Variants in MTHFD2L observed in about 807,000 individuals in gnomAD.
MTHFD2L encodes bifunctional methylenetetrahydrofolate dehydrogenase/cyclohydrolase 2, mitochondrial.
A neutral mutation model predicts 34.9 loss-of-function variants in MTHFD2L; 29 were observed. The ratio of observed to expected loss-of-function variants is 0.83; its 90% CI spans 0.62 to 1.13. The LOEUF (loss-of-function observed/expected upper bound fraction) is 1.13. Ranked by LOEUF, MTHFD2L falls within the 50% of genes most tolerant of loss-of-function variation. The pLI is 0.00. For synonymous variants in MTHFD2L, 167 were observed against 155.7 expected, an observed-to-expected ratio of 1.07 and a Z score of -0.54; for missense variants, 481 against 446.5, an observed-to-expected ratio of 1.08 and a Z score of -0.70.
intron 6 of MTHFD2L, among the ~76,000 whole-genome samples, chr4:74,277,373 G>A (rs995469209): frequency 6.6e-6 from 1 of 151,908 alleles, no homozygotes; most frequent in African/African-American, 2.4e-5. Context: ...GAGGGAGGAG[G>A]ACATAGCCTA....
At chr4:74,185,467 A>G (rs1271948634) in intron 3 of MTHFD2L, among the ~76,000 whole-genome samples, 15 of 152,120 alleles carry the variant, frequency 9.9e-5, no homozygotes, top group Admixed American at 9.8e-4. Context: ...AAAAAAAGAA[A>G]TAATAAAGAA....
At chr4:74,176,399 A>G (rs779751247) in intron 3 of MTHFD2L, among the ~76,000 whole-genome samples, 1 of 152,036 alleles carries the variant, frequency 6.6e-6, no homozygotes, top group African/African-American at 2.4e-5. Context: ...CAGATCTTCT[A>G]CTTACATCCA....
intron 5 of MTHFD2L, among the ~76,000 whole-genome samples, chr4:74,202,973 C>T (rs1205451578): frequency 1.3e-5 from 2 of 152,094 alleles, no homozygotes; most frequent in African/African-American, 4.8e-5. Context: ...TTCAATAATA[C>T]TTGTTTTAGG....
At chr4:74,134,407 T>G (rs968047135) in intron 1 of MTHFD2L, among the ~76,000 whole-genome samples, 1 of 152,090 alleles carries the variant, frequency 6.6e-6, no homozygotes, top group Non-Finnish European at 1.5e-5. Flanking sequence ...CATGGCCATT[T>G]GCAAAAGTCA....
chr4:74,117,005 G>C (rs937433399), intron 2 of MTHFD2L, among the ~76,000 whole-genome samples: 1 of 152,204 alleles, frequency 6.6e-6, no homozygotes, highest in African/African-American at 2.4e-5. Flanking sequence ...GTTCATGTGG[G>C]AAATGTTTGG....
intron 6 of MTHFD2L, among the ~76,000 whole-genome samples, chr4:74,269,794 C>T (rs138333058): frequency 8.3e-4 from 126 of 152,038 alleles, no homozygotes; most frequent in African/African-American, 2.6e-3. Context: ...TAGGTCCAGG[C>T]GGAAGACTTG....
At chr4:74,236,706 C>T (rs1465982549) in intron 6 of MTHFD2L, among the ~76,000 whole-genome samples, 1 of 152,218 alleles carries the variant, frequency 6.6e-6, no homozygotes, top group Non-Finnish European at 1.5e-5. Flanking sequence ...GTGCGTAACG[C>T]ACATATATTT....
chr4:74,163,058 C>G (rs1001175082), intron 1 of MTHFD2L, among the ~76,000 whole-genome samples: 2 of 107,900 alleles, frequency 1.9e-5, no homozygotes, highest in African/African-American at 6.9e-5. Flanking sequence ...AGGTTACTAA[C>G]TTCTGATAAA....
upstream of MTHFD2L, chr4:74,123,375 C>T (rs541648567): frequency 4.6e-5 from 7 of 152,162 alleles, no homozygotes; most frequent in Non-Finnish European, 8.8e-5. Flanking sequence ...CTGGCTGTTG[C>T]TCTACTGCTT....
chr4:74,277,784 G>A (rs116142944), intron 6 of MTHFD2L, among the ~76,000 whole-genome samples: 21 of 151,566 alleles, frequency 1.4e-4, no homozygotes, highest in African/African-American at 2.7e-4. Context: ...GGGTTTTCTC[G>A]TTTTGTTTTT....
intron 6 of MTHFD2L, among the ~76,000 whole-genome samples, chr4:74,269,661 G>A (rs1234951928): frequency 6.6e-6 from 1 of 151,980 alleles, no homozygotes; most frequent in Non-Finnish European, 1.5e-5. Flanking sequence ...TAACATAAAA[G>A]CACTTTGAAC....
At chr4:74,117,736 G>A (rs957216251) in intron 2 of MTHFD2L, among the ~76,000 whole-genome samples, 2 of 152,146 alleles carry the variant, frequency 1.3e-5, no homozygotes, top group Admixed American at 1.3e-4. Flanking sequence ...GTTTCTAAAG[G>A]AGAGAGCACA....
At chr4:74,299,527 A>G (rs1337437886) in intron 7 of MTHFD2L, among the ~76,000 whole-genome samples, 2 of 151,946 alleles carry the variant, frequency 1.3e-5, no homozygotes, top group Non-Finnish European at 2.9e-5. Context: ...TCAGGCCATT[A>G]AGTCAGCTTA....
intron 6 of MTHFD2L, among the ~76,000 whole-genome samples, chr4:74,249,793 A>T (rs1359423948): frequency 6.6e-6 from 1 of 152,184 alleles, no homozygotes; most frequent in Non-Finnish European, 1.5e-5. Context: ...TTCTTTAAGA[A>T]TGTTGAATAT....
intron 1 of MTHFD2L, among the ~76,000 whole-genome samples, chr4:74,149,041 A>G (rs1290048051): frequency 6.6e-6 from 1 of 151,822 alleles, no homozygotes; most frequent in Non-Finnish European, 1.5e-5. Flanking sequence ...TCCCTTGTGG[A>G]CATAGCTTCC....
At chr4:74,129,813 G>A (rs1209921595) in intron 1 of MTHFD2L, among the ~76,000 whole-genome samples, 1 of 151,682 alleles carries the variant, frequency 6.6e-6, no homozygotes, top group African/African-American at 2.4e-5. Context: ...TTTTTGAAAA[G>A]ATTAACAAAA....
At chr4:74,280,752 A>G (rs1747348189) in intron 6 of MTHFD2L, among the ~76,000 whole-genome samples, 1 of 152,058 alleles carries the variant, frequency 6.6e-6, no homozygotes, top group Admixed American at 6.6e-5. Flanking sequence ...ATAATGTTGC[A>G]TAAGACCAAT....
chr4:74,236,682 T>G (rs893687428), intron 6 of MTHFD2L, among the ~76,000 whole-genome samples: 1 of 152,266 alleles, frequency 6.6e-6, no homozygotes, highest in Non-Finnish European at 1.5e-5. Flanking sequence ...GCTTCACATA[T>G]CTAATAGAGA....
chr4:74,270,444 GT>G (rs1745819932), intron 6 of MTHFD2L, among the ~76,000 whole-genome samples: 3 of 152,038 alleles, frequency 2.0e-5, no homozygotes. Flanking sequence ...TCTTGCAACA[GT>G]TTGCTGAGAA....
Sources: gnomAD v4.1 joint callset for allele counts (sites outside exome capture counted in the v4.1 genomes callset) on GRCh38, gnomAD v4.1.1 for gene constraint, MANE v1.5 for transcripts, NCBI Gene and HGNC (gene_info 2026-07-23, HGNC 2026-07-21) for gene names.